Variants in FBXO43 observed in about 807,000 individuals in gnomAD.
The protein encoded by FBXO43 is F-box only protein 43.
FBXO43 carries 22 observed loss-of-function variants against 56.7 expected under a neutral mutation model. That is an observed-to-expected ratio of 0.39 (90% CI 0.28 to 0.55). The LOEUF (loss-of-function observed/expected upper bound fraction) is 0.55, where lower values mean the gene tolerates loss of function less well. Ranked by LOEUF, FBXO43 falls within the 20% of genes least tolerant of loss-of-function variation. The pLI, the probability that FBXO43 is intolerant of heterozygous loss-of-function variation, is 0.66. For missense variants in FBXO43, 733 were observed against 814.9 expected, an observed-to-expected ratio of 0.90 and a Z score of 1.22; for synonymous variants, 306 against 294.5, an observed-to-expected ratio of 1.04 and a Z score of -0.40.
upstream of FBXO43, among the ~76,000 whole-genome samples, chr8:100,149,155 A>G (rs960194073): frequency 6.6e-6 from 1 of 152,170 alleles, no homozygotes; most frequent in Non-Finnish European, 1.5e-5. Context: ...AGCGTGTTGG[A>G]TTGGGAACTA....
At chr8:100,136,305 T>A (rs993091495) in intron 3 of FBXO43, among the ~76,000 whole-genome samples, 1 of 152,238 alleles carries the variant, frequency 6.6e-6, no homozygotes, top group Non-Finnish European at 1.5e-5. Flanking sequence ...TCAATCTATA[T>A]CTGGGTGTTC....
rs899320244 is a variant in FBXO43 at position 100,145,033 on chromosome 8, T to G, written c.85+18A>C. On this transcript the variant is annotated intron_variant, in intron 1 of 4. Coordinates refer to ENST00000428847, the MANE Select transcript of FBXO43 (RefSeq NM_001029860.4). ...TTAAACCCAAATGTTCTTCATTTGT[T>G]AAAGTGGAAACTCTTACCATCAGTA... The G allele has an allele frequency of 1.2e-6, 2 of 1,603,228 alleles. No homozygotes were observed. The highest frequency in any genetic ancestry group is 1.3e-5 in the African/African-American group (1 of 74,304).
Position 100,141,204 on chromosome 8 carries a change from G to A in FBXO43, c.1050C>T (p.Asp350=). 1 of 1,614,164 alleles carries A rather than the reference G, an allele frequency of 6.2e-7. No individual in the cohort carries two copies. The highest frequency in any genetic ancestry group is 8.5e-7 in the Non-Finnish European group (1 of 1,180,040). ...SLEKSEDSLS[D]QEGSFQELLQ... is the part of the protein sequence containing the mutation. ...GTAGTTCTTGAAAAGAACCCTCCTG[G>A]TCAGACAGGGAATCTTCTGATTTCT... Residue 350 remains aspartate (D), a synonymous_variant, in exon 2 of 5, where the codon GAC becomes GAT. Coordinates refer to ENST00000428847, the MANE Select transcript of FBXO43 (RefSeq NM_001029860.4).
In FBXO43 at chr8:100,134,615, G is replaced by T. The variant is rs116379318; in HGVS notation, c.1675-251C>A. 1.2e-3 allele frequency among the ~76,000 whole-genome samples: 188 copies of T among 152,018 alleles called. 1 individual carries two copies. The highest frequency in any genetic ancestry group is 4.4e-3 in the African/African-American group (184 of 41,440). The stretch of plus-strand genomic sequence containing the variant: ...ATTCTTCATCTAAGTTTGTATGGCT[G>T]GTTATTTTTCCATTTATTTTAAACT... On this transcript the variant is annotated intron_variant, in intron 3 of 4. Transcript: ENST00000428847.
chr8:100,144,683 G>C (rs527345764), intron 1 of FBXO43, among the ~76,000 whole-genome samples: 34 of 150,348 alleles, frequency 2.3e-4, no homozygotes, highest in Admixed American at 9.2e-4. Context: ...CGTAATCCCA[G>C]CACTTTGGGA....
intron 2 of FBXO43, among the ~76,000 whole-genome samples, chr8:100,138,434 A>G (rs926419783): frequency 2.0e-5 from 3 of 152,202 alleles, no homozygotes; most frequent in African/African-American, 7.2e-5. Context: ...GACTCTCTCT[A>G]GGCTGATATA....
rs1223449680 is a variant in FBXO43, at chr8:100,140,933, G to C, written c.1321C>G (p.Pro441Ala). 1 of 1,614,010 alleles carries C rather than the reference G, an allele frequency of 6.2e-7. No homozygotes were observed. Among genetic ancestry groups the C allele is most frequent in the African/African-American group, 1.3e-5 (1 of 74,946 alleles). Residue 441 changes from proline (P) to alanine (A), a missense_variant, in exon 2 of 5, where the codon CCA becomes GCA. Physicochemically the swap from Pro to Ala is conservative, Grantham distance 27. Transcript: ENST00000428847. ...TFSLKNLSKT[P>A]ALQLVHELFM... is the part of the protein sequence containing the mutation. ...AGCTCATGTACCAATTGCAAGGCTGGGGTCTTTGATAAATTCTTTAAGCTA... is the reference window on the plus strand; with the variant it reads ...AGCTCATGTACCAATTGCAAGGCTGCGGTCTTTGATAAATTCTTTAAGCTA...
rs1331170142 is a variant in FBXO43 at position 100,133,879 on chromosome 8, C to T, written c.2050G>A (p.Gly684Arg). 2 of 1,614,064 alleles carry T rather than the reference C, an allele frequency of 1.2e-6. No homozygotes were observed. The highest frequency in any genetic ancestry group is 1.7e-6 in the Non-Finnish European group (2 of 1,180,042). The change falls in exon 5 of 5, where the codon GGA (glycine) becomes AGA (arginine). Residue 684 changes from glycine (G) to arginine (R), a missense_variant. Physicochemically the swap from Gly to Arg is moderately radical, Grantham distance 125 (BLOSUM62 -2). Coordinates refer to ENST00000428847, the MANE Select transcript of FBXO43 (RefSeq NM_001029860.4). Reference sequence around the variant, plus strand: ...TTTCTATTTCTTGGCTTTGCTGCTCCTCTACTACATTCTTCAGACCCATGA... The same window carrying T: ...TTTCTATTTCTTGGCTTTGCTGCTCTTCTACTACATTCTTCAGACCCATGA... ...AYHGSEECSR[G>R]AAKPRNRKDA...
At chr8:100,146,776 A>G (rs1246954531), upstream of FBXO43, among the ~76,000 whole-genome samples, 2 of 152,196 alleles carry the variant, frequency 1.3e-5, no homozygotes, top group Admixed American at 1.3e-4. Context: ...TAAGCCAATA[A>G]CAGGCACTAC....
intron 2 of FBXO43, among the ~76,000 whole-genome samples, 193 bp from the exon 3 acceptor site, chr8:100,137,860 T>TAAAATGTAAA (rs144534482): frequency 0.055 from 8,328 of 152,268 alleles, 682 homozygotes; most frequent in African/African-American, 0.17. Flanking sequence ...GAATTCCAAT[T>TAAAATGTAAA]GTATATGCCA....
Position 100,133,549 on chromosome 8 carries a change from A to G in FBXO43, c.*253T>C, listed in dbSNP as rs553580487. ...AATGTTACATAAAACAATAAAGTAC[A>G]TACATATAACAACAATGAAAATTCT... On this transcript the variant is annotated 3_prime_UTR_variant, in exon 5 of 5. Transcript: ENST00000428847. 28 of 344,468 alleles carry G rather than the reference A, an allele frequency of 8.1e-5. No homozygotes were observed. The highest frequency in any genetic ancestry group is 1.3e-4 in the Non-Finnish European group (25 of 191,314). 21.3% of individuals were successfully genotyped at this position (344,468 alleles called of 1,614,324 possible).
chr8:100,137,864 T>A (rs183181744), intron 2 of FBXO43, among the ~76,000 whole-genome samples, 197 bp from the exon 3 acceptor site: 2,899 of 146,392 alleles, frequency 0.02, 35 homozygotes, highest in Non-Finnish European at 0.028. Flanking sequence ...TCCAATTGTA[T>A]ATGCCAGCAA....
upstream of FBXO43, among the ~76,000 whole-genome samples, chr8:100,149,956 C>G (rs1256237171): frequency 1.3e-5 from 2 of 152,190 alleles, no homozygotes; most frequent in Admixed American, 1.3e-4. Flanking sequence ...CTTGAAAGAA[C>G]GCACCTCCAC....
Position 100,134,206 on chromosome 8 carries a change from G to A in FBXO43, c.1833C>T (p.Ser611=), listed in dbSNP as rs1326773628. 1.2e-6 allele frequency: 2 copies of A among 1,614,100 alleles called. No homozygotes were observed. Among genetic ancestry groups the A allele is most frequent in the South Asian group, 2.2e-5 (2 of 91,088 alleles). The change falls in exon 4 of 5, where the codon AGC becomes AGT. Residue 611 remains serine, a synonymous_variant. Transcript: ENST00000428847. ...PWGEVLTPLA[S]SSVTHLSSKQ... ...TACTACTTAAGTGAGTAACAGAAGAGCTTGCTAGAGGTGTCAAAACTTCTC... is the reference window on the plus strand; with the variant it reads ...TACTACTTAAGTGAGTAACAGAAGAACTTGCTAGAGGTGTCAAAACTTCTC...
intron 3 of FBXO43, 26 bp downstream of exon 3, chr8:100,137,539 T>A (rs1473547407): frequency 6.9e-7 from 1 of 1,455,014 alleles, no homozygotes; most frequent in East Asian, 2.3e-5. Context: ...TACAAATCCA[T>A]TTTAGAGAAG....
At position 100,133,515 on chromosome 8, in the gene FBXO43, C is replaced by G. The variant is rs1814371785; in HGVS notation, c.*287G>C. On this transcript the variant is annotated 3_prime_UTR_variant, in exon 5 of 5. Transcript: ENST00000428847. ...AACATGTCAAGAGTGATGAAATGCA[C>G]AAATTTAAAATGTTACATAAAACAA... 4.4e-6 allele frequency: 1 copy of G among 229,668 alleles called. No individual in the cohort carries two copies. Among genetic ancestry groups the G allele is most frequent in the Non-Finnish European group, 8.4e-6 (1 of 119,286 alleles). 14.2% of individuals were successfully genotyped at this position (229,668 alleles called of 1,614,324 possible).
At position 100,145,102 on chromosome 8, in the gene FBXO43, A is replaced by T. The variant is rs1422674092; in HGVS notation, c.34T>A (p.Cys12Ser). Reference protein sequence around the residue: ...SFKDKDERISCLEAYVTLTSK... With the variant: ...SFKDKDERISSLEAYVTLTSK... The stretch of plus-strand genomic sequence containing the variant: ...GTCAAAGTTACGTAGGCTTCCAAAC[A>T]AGAAATTCTCTCATCTTTGTCTTTA... The change falls in exon 1 of 5, where the codon TGT becomes AGT. Residue 12 changes from cysteine (C) to serine (S), a missense_variant. Transcript: ENST00000428847. The T allele has an allele frequency of 6.2e-7, 1 of 1,612,850 alleles. No individual in the cohort carries two copies. The highest frequency in any genetic ancestry group is 1.3e-5 in the African/African-American group (1 of 74,894).
chr8:100,144,089 A>G (rs1260655515), intron 1 of FBXO43, among the ~76,000 whole-genome samples: 1 of 152,118 alleles, frequency 6.6e-6, no homozygotes, highest in Non-Finnish European at 1.5e-5. Flanking sequence ...GGTCCTTTTA[A>G]AAGGTTATGG....
intron 1 of FBXO43, among the ~76,000 whole-genome samples, chr8:100,142,500 C>T (rs1814692678): frequency 6.6e-6 from 1 of 152,044 alleles, no homozygotes; most frequent in South Asian, 2.1e-4. Flanking sequence ...TATTTTATTA[C>T]CTTATGATTT....
Sources: allele counts gnomAD v4.1 joint callset (sites outside exome capture counted in the v4.1 genomes callset), GRCh38; gene constraint gnomAD v4.1.1; transcripts MANE v1.5; gene names NCBI Gene and HGNC (gene_info 2026-07-23, HGNC 2026-07-21).